The following SPDYE17 variants were observed in gnomAD, a reference collection of about 807,000 sequenced individuals.
SPDYE17 encodes the protein speedy/RINGO cell cycle regulator family member E17.
For synonymous variants in SPDYE17, 4 were observed against 14.8 expected, an observed-to-expected ratio of 0.27 and a Z score of 1.68; for missense variants, 7 against 38.0, an observed-to-expected ratio of 0.18 and a Z score of 2.15.
intron 5 of SPDYE17, chr7:77,025,676 G>A (rs1403102176): frequency 1.6e-5 from 2 of 128,928 alleles, no homozygotes; most frequent in African/African-American, 2.9e-5. Flanking sequence ...CCCAGGAGGC[G>A]GAGGTTGCAG....
rs1789434295 is a variant in SPDYE17 at position 77,026,472 on chromosome 7, A to T, written c.494+357T>A. 3.3e-5 allele frequency among the ~76,000 whole-genome samples: 5 copies of T among 149,356 alleles called. No individual in the cohort carries two copies. The Admixed American group carries it at 3.4e-4, about 10-fold the overall frequency. On this transcript the variant is annotated intron_variant, in intron 5 of 7. Coordinates refer to ENST00000671986, the MANE Select transcript of SPDYE17 (RefSeq NM_001351351.3). ...CAGGGAGCATTTGACAGTGGATTCGAGTGATGCAAGGGGGACCTGGACTGT... is the reference window on the plus strand; with the variant it reads ...CAGGGAGCATTTGACAGTGGATTCGTGTGATGCAAGGGGGACCTGGACTGT...
At chr7:77,025,732 A>T (rs1789420466) in intron 5 of SPDYE17, 1 of 113,762 alleles carries the variant, frequency 8.8e-6, no homozygotes, top group Non-Finnish European at 1.7e-5. Flanking sequence ...AGACACAGCA[A>T]CACTCTTGTC....
At chr7:77,025,754 A>G (rs1789421192) in intron 5 of SPDYE17, 1 of 133,088 alleles carries the variant, frequency 7.5e-6, no homozygotes, top group Non-Finnish European at 1.5e-5. Flanking sequence ...TGATAAATAA[A>G]TAAATAAATA....
Position 77,023,147 on chromosome 7 carries a change from GATA to G in SPDYE17, c.*683_*685del, listed in dbSNP as rs201006207. On this transcript the variant is annotated 3_prime_UTR_variant, in exon 8 of 8. Coordinates refer to ENST00000671986, the MANE Select transcript of SPDYE17 (RefSeq NM_001351351.3). ...ATAATAATACAGAAAAAAATTTAAA[GATA>G]ATAAAAGATTTAGGATAAAAAGAAT... 0.58 allele frequency among the ~76,000 whole-genome samples: 41,775 copies of G among 72,260 alleles called. 14,269 individuals are homozygous for G. The highest frequency in any genetic ancestry group is 0.75 in the African/African-American group (16,290 of 21,808). The allele number at this position is 72,260 out of a possible 152,430, so 47.4% of individuals were successfully genotyped here. A position where few individuals can be genotyped will look rare whatever the true frequency, so the allele number is the denominator to read the frequency against.
intron 5 of SPDYE17, chr7:77,025,794 G>T (rs573608516): frequency 4.9e-5 from 7 of 143,344 alleles, no homozygotes; most frequent in African/African-American, 1.8e-4. Flanking sequence ...GTCCAGGTGT[G>T]GTGGTACAGC....
intron 4 of SPDYE17, among the ~76,000 whole-genome samples, 186 bp downstream of exon 4, chr7:77,027,956 C>T (rs1224498044): frequency 7.6e-6 from 1 of 131,366 alleles, no homozygotes; most frequent in Non-Finnish European, 1.6e-5. Context: ...GATCGAGACA[C>T]TGCCCTCCAG....
At chr7:77,025,536 G>T (rs1313818344) in intron 5 of SPDYE17, 1 of 171,004 alleles carries the variant, frequency 5.8e-6, no homozygotes, top group Non-Finnish European at 1.1e-5. Context: ...CTTGAGACCA[G>T]GAGTTTGAGA....
rs1270892224 is a variant in SPDYE17, at chr7:77,022,881, G to A, written c.*952C>T. Among the ~76,000 whole-genome samples the A allele has an allele frequency of 1.1e-4, 12 of 108,208 alleles. 1 individual carries two copies. Among genetic ancestry groups the A allele is most frequent in the Non-Finnish European group, 1.2e-4 (6 of 48,388 alleles). The allele number at this position is 108,208 out of a possible 152,430, so 71.0% of individuals were successfully genotyped here. ...AATATTTAAATAATTCTGTACCCAT[G>A]TTTTTCAAAATAAACCAATAAAATA... On this transcript the variant is annotated 3_prime_UTR_variant, in exon 8 of 8. Coordinates refer to ENST00000671986, the MANE Select transcript of SPDYE17 (RefSeq NM_001351351.3).
At chr7:77,026,439 A>G (rs1482835839) in intron 5 of SPDYE17, among the ~76,000 whole-genome samples, 3 of 148,566 alleles carry the variant, frequency 2.0e-5, no homozygotes, top group East Asian at 2.2e-4. Flanking sequence ...GACTCCAGGA[A>G]ACCCCAGCAG....
chr7:77,026,688 TTG>T, intron 5 of SPDYE17, 139 bp downstream of exon 5: 2 of 611,892 alleles, frequency 3.3e-6, no homozygotes, highest in Non-Finnish European at 4.9e-6. Context: ...TTTTTTTTTT[TTG>T]AGACTATAAT....
chr7:77,029,927 A>G (rs1289534542), intron 2 of SPDYE17, among the ~76,000 whole-genome samples: 8 of 119,494 alleles, frequency 6.7e-5, no homozygotes, highest in Middle Eastern at 4.9e-3. Flanking sequence ...GGCTGGTCTC[A>G]AACTCCTGGC....
At chr7:77,029,807 A>G (rs1409359444) in intron 2 of SPDYE17, among the ~76,000 whole-genome samples, 1 of 121,068 alleles carries the variant, frequency 8.3e-6, no homozygotes, top group East Asian at 4.1e-4. Context: ...CCCGGATTCC[A>G]TTTATTCTCC....
intron 5 of SPDYE17, chr7:77,025,861 A>G (rs1447683203): frequency 1.4e-5 from 2 of 145,816 alleles, no homozygotes; most frequent in East Asian, 4.8e-4. Flanking sequence ...AGCCCAGGAT[A>G]TGGAGGCTGC....
In SPDYE17 at chr7:77,023,495, C is replaced by T. The variant is rs1583953341; in HGVS notation, c.*338G>A. The T allele has an allele frequency of 6.8e-6, 1 of 146,860 alleles. No individual in the cohort carries two copies. The highest frequency in any genetic ancestry group is 4.9e-5 in the South Asian group (1 of 20,352). 9.1% of individuals were successfully genotyped at this position (146,860 alleles called of 1,614,324 possible). A position where few individuals can be genotyped will look rare whatever the true frequency, so the allele number is the denominator to read the frequency against. ...CATAAGAAACAGGACCTCCAGGTTC[C>T]GCCCCAGGGAGGTTGGCATTCAGCA... On this transcript the variant is annotated 3_prime_UTR_variant, in exon 8 of 8. Coordinates refer to ENST00000671986, the MANE Select transcript of SPDYE17 (RefSeq NM_001351351.3).
At chr7:77,029,930 C>G (rs1789483922) in intron 2 of SPDYE17, among the ~76,000 whole-genome samples, 1 of 125,718 alleles carries the variant, frequency 8.0e-6, no homozygotes, top group African/African-American at 2.9e-5. Context: ...TGGTCTCAAA[C>G]TCCTGGCCTC....
At chr7:77,029,989 G>A (rs1171165332) in intron 2 of SPDYE17, among the ~76,000 whole-genome samples, 1 of 120,388 alleles carries the variant, frequency 8.3e-6, no homozygotes, top group Non-Finnish European at 1.7e-5. Context: ...TTACAAGTGT[G>A]AGCCACTGCA....
rs1446373042 is a variant in SPDYE17 at position 77,027,926 on chromosome 7, C to T, written c.408+216G>A. 1.5e-5 allele frequency among the ~76,000 whole-genome samples: 2 copies of T among 130,712 alleles called. 1 individual carries two copies. The highest frequency in any genetic ancestry group is 3.2e-5 in the Non-Finnish European group (2 of 62,494). The allele number at this position is 130,712 out of a possible 152,430, so 85.8% of individuals were successfully genotyped here. A position where few individuals can be genotyped will look rare whatever the true frequency, so the allele number is the denominator to read the frequency against. ...GGGAGAATCGCTTGAACCCAGGAGG[C>T]ATCAGCTGCAGTGAGTCAAGATCGA... On this transcript the variant is annotated intron_variant, in intron 4 of 7. Transcript: ENST00000671986.
chr7:77,023,722 A>T lies in SPDYE17; in HGVS notation c.*111T>A, dbSNP rs1197794820. 23 of 281,620 alleles carry T rather than the reference A, an allele frequency of 8.2e-5. 6 individuals are homozygous for T. Among genetic ancestry groups the T allele is most frequent in the Non-Finnish European group, 9.9e-5 (20 of 201,842 alleles). The allele number at this position is 281,620 out of a possible 1,614,324, so 17.4% of individuals were successfully genotyped here. A position where few individuals can be genotyped will look rare whatever the true frequency, so the allele number is the denominator to read the frequency against. ...CAAATGGTTCCTCTCCTCCTTCCTG[A>T]TGTCTGCCATTAGCATTGGAATAAA... is the stretch of plus-strand genomic sequence containing the variant. On this transcript the variant is annotated 3_prime_UTR_variant, in exon 8 of 8. Transcript: ENST00000671986.
At chr7:77,026,550 G>T (rs2117278992) in intron 5 of SPDYE17, among the ~76,000 whole-genome samples, 1 of 150,506 alleles carries the variant, frequency 6.6e-6, no homozygotes, top group South Asian at 2.1e-4. Flanking sequence ...GGTTGATGTG[G>T]GAAGGAGAGA....
Sources: gnomAD v4.1 joint callset for allele counts (sites outside exome capture counted in the v4.1 genomes callset) on GRCh38, gnomAD v4.1.1 for gene constraint, MANE v1.5 for transcripts, NCBI Gene and HGNC (gene_info 2026-07-23, HGNC 2026-07-21) for gene names.